LRBA: variants seen among roughly 807,000 people sequenced by gnomAD.
LRBA encodes lipopolysaccharide-responsive and beige-like anchor protein.
Under a neutral mutation model 330.0 loss-of-function variants are expected in LRBA, and 176 were observed. The ratio of observed to expected loss-of-function variants is 0.53; its 90% CI spans 0.47 to 0.60. LRBA has a LOEUF of 0.60. LRBA is among the 20% of genes least tolerant of loss of function. The pLI, the probability that LRBA is intolerant of heterozygous loss-of-function variation, is 0.00. For synonymous variants in LRBA, 1,230 were observed against 1,193.0 expected (o/e 1.03, Z -0.64); for missense variants, 3,259 against 3,444.8 (o/e 0.95, Z 1.35).
chr4:150,656,968 A>G (rs1262468048), intron 37 of LRBA, among the ~76,000 whole-genome samples: 3 of 152,242 alleles, frequency 2.0e-5, no homozygotes, highest in African/African-American at 7.2e-5. Flanking sequence ...TGTAACATAT[A>G]TAAGCCAAAT....
intron 2 of LRBA, among the ~76,000 whole-genome samples, chr4:151,004,992 A>G (rs1430060621): frequency 6.6e-6 from 1 of 152,208 alleles, no homozygotes; most frequent in African/African-American, 2.4e-5. Flanking sequence ...CTTCGACTCA[A>G]AAAAGAAAGA....
intron 37 of LRBA, among the ~76,000 whole-genome samples, chr4:150,621,028 A>C (rs1479728733): frequency 6.6e-6 from 1 of 152,172 alleles, no homozygotes; most frequent in East Asian, 1.9e-4. Context: ...GCTGTTTGAT[A>C]AAAAGTGCTC....
intron 31 of LRBA, among the ~76,000 whole-genome samples, chr4:150,809,897 TACGATAC>T: frequency 6.6e-6 from 1 of 151,116 alleles, no homozygotes; most frequent in East Asian, 1.9e-4. Context: ...TACGATACGA[TACGATAC>T]GATACGATAC....
chr4:150,745,422 A>G (rs1167097488), intron 35 of LRBA, among the ~76,000 whole-genome samples: 2 of 34,608 alleles, frequency 5.8e-5, no homozygotes, highest in Non-Finnish European at 2.7e-4. Flanking sequence ...GAGCATGAAG[A>G]TGAGCCTTAA....
intron 40 of LRBA, among the ~76,000 whole-genome samples, chr4:150,564,995 TAGGA>T (rs1056739547): frequency 2.6e-5 from 4 of 152,102 alleles, no homozygotes; most frequent in Non-Finnish European, 4.4e-5. Flanking sequence ...GATCTAGAAC[TAGGA>T]ATTTGACCCA....
chr4:150,504,490 A>C (rs1048441664), intron 40 of LRBA, among the ~76,000 whole-genome samples: 1 of 152,202 alleles, frequency 6.6e-6, no homozygotes, highest in South Asian at 2.1e-4. Context: ...ATCCAGCCAA[A>C]CTAAGCTTCA....
intron 5 of LRBA, among the ~76,000 whole-genome samples, chr4:150,918,870 T>G (rs1320495811): frequency 6.6e-6 from 1 of 152,198 alleles, no homozygotes; most frequent in Non-Finnish European, 1.5e-5. Context: ...GTCTGGAAGT[T>G]CATCAAAATG....
At chr4:150,570,929 T>C (rs1769762866) in intron 40 of LRBA, among the ~76,000 whole-genome samples, 1 of 152,176 alleles carries the variant, frequency 6.6e-6, no homozygotes, top group Non-Finnish European at 1.5e-5. Context: ...TATTAAAAAG[T>C]CTTTGTTTTA....
intron 2 of LRBA, among the ~76,000 whole-genome samples, chr4:151,003,934 T>TGTGA (rs1554017696): frequency 4.3e-5 from 6 of 138,546 alleles, no homozygotes; most frequent in Non-Finnish European, 7.8e-5. Flanking sequence ...TGTGTGTGTG[T>TGTGA]GACAGTCTCA....
intron 13 of LRBA, among the ~76,000 whole-genome samples, chr4:150,900,528 T>C (rs1730606937): frequency 6.6e-6 from 1 of 152,208 alleles, no homozygotes; most frequent in South Asian, 2.1e-4. Flanking sequence ...TTCCTAAGCA[T>C]GTGTAACTTC....
At chr4:150,767,931 G>T (rs1736000166) in intron 34 of LRBA, among the ~76,000 whole-genome samples, 1 of 151,032 alleles carries the variant, frequency 6.6e-6, no homozygotes, top group Admixed American at 6.6e-5. Context: ...AGGCGTGGTG[G>T]TGCACGCCTG....
rs201500267 is a variant in LRBA, at chr4:150,735,268, G to T, written c.5744C>A (p.Ala1915Glu). The part of the protein sequence containing the change: ...RQRAEDIHRH[A>E]EFESLCAQYS... Reference sequence around the variant, plus strand: ...ATATGTGTAACCTACCTCAAATTCCGCATGTCTGTGAATATCTTCTGCTCT... The same window carrying T: ...ATATGTGTAACCTACCTCAAATTCCTCATGTCTGTGAATATCTTCTGCTCT... The change falls in exon 36 of 57, where the codon GCG becomes GAG. Residue 1915 changes from alanine (A) to glutamate (E), a missense_variant. By Grantham distance (107) the Ala-to-Glu change is moderately radical. Coordinates refer to ENST00000651943, the MANE Select transcript of LRBA (RefSeq NM_001364905.1). The T allele has an allele frequency of 3.7e-6, 6 of 1,611,884 alleles. No homozygotes were observed. The highest frequency in any genetic ancestry group is 5.1e-6 in the Non-Finnish European group (6 of 1,178,274).
At chr4:150,319,273 C>T (rs1023533970) in intron 50 of LRBA, among the ~76,000 whole-genome samples, 7 of 152,108 alleles carry the variant, frequency 4.6e-5, no homozygotes, top group African/African-American at 1.7e-4. Flanking sequence ...TTTGCCCCTC[C>T]TCACATCTGA....
intron 2 of LRBA, among the ~76,000 whole-genome samples, chr4:150,977,579 A>T (rs1740338983): frequency 6.6e-6 from 1 of 152,136 alleles, no homozygotes; most frequent in South Asian, 2.1e-4. Flanking sequence ...AGTGGTGTAA[A>T]GCACCAAAAG....
chr4:150,761,709 AAATATC>A, intron 35 of LRBA, 68 bp downstream of exon 35: 1 of 913,706 alleles, frequency 1.1e-6, no homozygotes, highest in African/African-American at 1.7e-5. Flanking sequence ...CAGAACCCAA[AAATATC>A]AATGCCTATA....
intron 47 of LRBA, among the ~76,000 whole-genome samples, chr4:150,389,646 C>T (rs1283338190): frequency 8.0e-6 from 1 of 124,658 alleles, no homozygotes; most frequent in African/African-American, 3.0e-5. Flanking sequence ...CACTGCACTC[C>T]AGCCTGGGTG....
At position 150,793,972 on chromosome 4, in the gene LRBA, A is replaced by G. The variant is rs1394002806; in HGVS notation, c.5580+4109T>C. 5.3e-5 allele frequency among the ~76,000 whole-genome samples: 8 copies of G among 152,216 alleles called. No individual in the cohort carries two copies. The East Asian group carries it at 1.5e-3, about 29-fold the overall frequency. On this transcript the variant is annotated intron_variant, in intron 34 of 56. Coordinates refer to ENST00000651943, the MANE Select transcript of LRBA (RefSeq NM_001364905.1). ...ACCAATTAGCATATTTATACTTACAATTTGTGGTAAATTCTATAATTGGTG... is the reference window on the plus strand; with the variant it reads ...ACCAATTAGCATATTTATACTTACAGTTTGTGGTAAATTCTATAATTGGTG...
At chr4:150,970,418 T>C (rs1739398023) in intron 2 of LRBA, among the ~76,000 whole-genome samples, 1 of 151,790 alleles carries the variant, frequency 6.6e-6, no homozygotes, top group African/African-American at 2.4e-5. Flanking sequence ...GAGGATCGCT[T>C]AAGCCCAAGA....
intron 42 of LRBA, among the ~76,000 whole-genome samples, chr4:150,472,951 A>G (rs1756315460): frequency 6.6e-6 from 1 of 152,156 alleles, no homozygotes; most frequent in East Asian, 1.9e-4. Context: ...ATTCATGTAT[A>G]TATCTTTATA....
Sources: gnomAD v4.1 joint callset for allele counts (sites outside exome capture counted in the v4.1 genomes callset) on GRCh38, gnomAD v4.1.1 for gene constraint, MANE v1.5 for transcripts, NCBI Gene and HGNC (gene_info 2026-07-23, HGNC 2026-07-21) for gene names.